PLXNA2: variants seen among roughly 807,000 people sequenced by gnomAD.
PLXNA2 encodes the protein plexin A2, also known as plexin-A2.
In PLXNA2, 91 loss-of-function variants were observed where a neutral mutation model predicts 193.5. That is an observed-to-expected ratio of 0.47 (90% confidence interval 0.40 to 0.56). The LOEUF is 0.56. Among genes scored for constraint, PLXNA2 ranks in the 20% least tolerant of loss-of-function variants. PLXNA2 has a pLI of 0.00. For synonymous variants in PLXNA2, 997 were observed against 1,027.3 expected (o/e 0.97, Z 0.56); for missense variants, 1,995 against 2,503.2 (o/e 0.80, Z 4.33).
chr1:208,095,172 A>G (rs1309304060), intron 8 of PLXNA2, among the ~76,000 whole-genome samples: 1 of 152,178 alleles, frequency 6.6e-6, no homozygotes, highest in Non-Finnish European at 1.5e-5. Flanking sequence ...ATGTGGCTCT[A>G]TTACAGAGGC....
intron 13 of PLXNA2, among the ~76,000 whole-genome samples, 191 bp from the exon 14 acceptor site, chr1:208,054,729 T>G (rs1008428583): frequency 2.0e-5 from 3 of 152,264 alleles, no homozygotes; most frequent in Non-Finnish European, 4.4e-5. Flanking sequence ...TGGTCTCATC[T>G]GCACAGTGTG....
At chr1:208,103,046 G>A in intron 5 of PLXNA2, 101 bp downstream of exon 5, 1 of 642,760 alleles carries the variant, frequency 1.6e-6, no homozygotes, top group Non-Finnish European at 2.6e-6. Flanking sequence ...GCTCTGAAGA[G>A]GACAATTCCT....
At chr1:208,077,669 C>T (rs1044878284) in intron 12 of PLXNA2, among the ~76,000 whole-genome samples, 8 of 152,186 alleles carry the variant, frequency 5.3e-5, no homozygotes, top group African/African-American at 1.7e-4. Flanking sequence ...AGGCACGGAG[C>T]CCTGAGCAGC....
At chr1:208,083,917 G>A (rs1046955389) in intron 10 of PLXNA2, among the ~76,000 whole-genome samples, 3 of 152,022 alleles carry the variant, frequency 2.0e-5, no homozygotes, top group African/African-American at 7.3e-5. Context: ...CCTGAATGGG[G>A]ATGTGGAATG....
intron 3 of PLXNA2, among the ~76,000 whole-genome samples, chr1:208,164,463 G>A (rs1393138951): frequency 6.6e-6 from 1 of 152,162 alleles, no homozygotes; most frequent in Non-Finnish European, 1.5e-5. Context: ...AGTACCAGTT[G>A]CTTTTTGGTG....
At chr1:208,198,544 C>A (rs915131303) in intron 3 of PLXNA2, among the ~76,000 whole-genome samples, 1 of 152,182 alleles carries the variant, frequency 6.6e-6, no homozygotes, top group Non-Finnish European at 1.5e-5. Flanking sequence ...GCTGCCACCC[C>A]GCGCATTGTG....
At chr1:208,101,257 C>T (rs1667087729) in intron 5 of PLXNA2, among the ~76,000 whole-genome samples, 2 of 152,268 alleles carry the variant, frequency 1.3e-5, no homozygotes, top group South Asian at 2.1e-4. Context: ...TCCCCCCAAC[C>T]CCTCAGAGGC....
rs1450306790 is a variant in PLXNA2, at chr1:208,040,025, A to G, written c.4320T>C (p.Asn1440=). 23 of 1,613,928 alleles carry G rather than the reference A, an allele frequency of 1.4e-5. No individual in the cohort carries two copies. The highest frequency in any genetic ancestry group is 1.9e-5 in the Non-Finnish European group (23 of 1,180,004). The change falls in exon 23 of 32, where the codon AAT becomes AAC. Residue 1440 remains asparagine (N), a synonymous_variant. Transcript: ENST00000367033. ...ACTTGTGCAGGAGGAAGGCGAACCA[A>G]TTGGTCAGCATCTTTTCAGCCACAG... ...TESVAEKMLT[N]WFAFLLHKFL... is the part of the protein sequence containing the mutation.
intron 3 of PLXNA2, among the ~76,000 whole-genome samples, chr1:208,191,143 C>T (rs1468004694): frequency 6.6e-6 from 1 of 152,220 alleles, no homozygotes; most frequent in African/African-American, 2.4e-5. Flanking sequence ...GAATCATGTG[C>T]ACTCCCCAAG....
chr1:208,097,995 G>A (rs927403096), intron 6 of PLXNA2, among the ~76,000 whole-genome samples: 2 of 152,086 alleles, frequency 1.3e-5, no homozygotes, highest in East Asian at 1.9e-4. Context: ...GTGAGCCACC[G>A]CGCCCAGCCT....
chr1:208,188,602 G>T (rs112803115), intron 3 of PLXNA2, among the ~76,000 whole-genome samples: 1 of 151,980 alleles, frequency 6.6e-6, no homozygotes, highest in South Asian at 2.1e-4. Flanking sequence ...CCAGCTACTC[G>T]GGAGGCTGAG....
rs1230322899 is a variant in PLXNA2 at position 208,101,381 on chromosome 1, G to A, written c.1607+1766C>T. On this transcript the variant is annotated intron_variant, in intron 5 of 31. Transcript: ENST00000367033. ...GCTGCTTGGCAGGTGGGAGAGCACT[G>A]CAGGAGGGTCTGGTGAAGAAGAGAA... Among the ~76,000 whole-genome samples the A allele has an allele frequency of 2.0e-5, 3 of 152,346 alleles. No homozygotes were observed. In the East Asian group the frequency reaches 5.8e-4, roughly 29 times the overall value.
At chr1:208,103,285 C>A (rs1184210395) in intron 4 of PLXNA2, 38 bp from the exon 5 acceptor site, 1 of 1,489,278 alleles carries the variant, frequency 6.7e-7, no homozygotes, top group South Asian at 1.2e-5. Context: ...TGAGGTTAGG[C>A]TGTGACGACT....
chr1:208,097,317 T>A (rs1399313439), intron 6 of PLXNA2, among the ~76,000 whole-genome samples: 3 of 152,340 alleles, frequency 2.0e-5, no homozygotes, highest in Middle Eastern at 6.8e-3. Context: ...CCTGGAGGTT[T>A]ACCAGGAGCT....
At chr1:208,118,835 A>G (rs1473661614) in intron 4 of PLXNA2, among the ~76,000 whole-genome samples, 2 of 152,116 alleles carry the variant, frequency 1.3e-5, no homozygotes. Flanking sequence ...TATTTGGTGC[A>G]TGCCGGGTCC....
intron 9 of PLXNA2, among the ~76,000 whole-genome samples, chr1:208,090,964 C>T (rs575489184): frequency 6.6e-6 from 1 of 152,344 alleles, no homozygotes; most frequent in South Asian, 2.1e-4. Context: ...CTCCCTGCAG[C>T]TCTGTGTGAA....
chr1:208,183,253 A>G (rs1299660953), intron 3 of PLXNA2, among the ~76,000 whole-genome samples: 1 of 152,212 alleles, frequency 6.6e-6, no homozygotes, highest in East Asian at 1.9e-4. Context: ...AAACCAGACA[A>G]GGTTCATCCT....
chr1:208,187,847 C>T (rs968823169), intron 3 of PLXNA2, among the ~76,000 whole-genome samples: 34 of 152,248 alleles, frequency 2.2e-4, no homozygotes, highest in Non-Finnish European at 2.9e-4. Flanking sequence ...CTAACCCTTA[C>T]ATTTGTGCAG....
Position 208,096,024 on chromosome 1 carries a change from C to G in PLXNA2, c.1982+5G>C. The G allele has an allele frequency of 6.2e-7, 1 of 1,608,772 alleles. No homozygotes were observed. The highest frequency in any genetic ancestry group is 8.5e-7 in the Non-Finnish European group (1 of 1,175,164). ...AGAGCAAGACCCTTTCTAATAAGCA[C>G]TTACAGTTGGTGGGCACTGCAGTTG... is the stretch of plus-strand genomic sequence containing the variant. On this transcript the variant is annotated splice_donor_5th_base_variant and intron_variant, in intron 8 of 31. Transcript: ENST00000367033.
Sources: gnomAD v4.1 joint callset for allele counts (sites outside exome capture counted in the v4.1 genomes callset) on GRCh38, gnomAD v4.1.1 for gene constraint, MANE v1.5 for transcripts, NCBI Gene and HGNC (gene_info 2026-07-23, HGNC 2026-07-21) for gene names.